MTOR: variants seen among roughly 807,000 people sequenced by gnomAD.
MTOR encodes serine/threonine-protein kinase mTOR.
MTOR carries 70 observed loss-of-function variants against 319.8 expected under a neutral mutation model. That is an observed-to-expected ratio of 0.22 (90% CI 0.18 to 0.27). The LOEUF (loss-of-function observed/expected upper bound fraction) is 0.27, where lower values mean the gene tolerates loss of function less well. Among genes scored for constraint, MTOR ranks in the 10% least tolerant of loss-of-function variants. The probability of loss-of-function intolerance (pLI) is 1.00; values close to 1 mark genes in which losing one functional copy is unlikely to be tolerated. For missense variants in MTOR, 1,890 were observed against 3,274.4 expected, an observed-to-expected ratio of 0.58 and a Z score of 10.32; for synonymous variants, 1,183 against 1,211.4, an observed-to-expected ratio of 0.98 and a Z score of 0.49.
rs150133866 is a variant in MTOR at position 11,189,376 on chromosome 1, G to A, written c.4253+9882C>T. 215 of 629,822 alleles carry A rather than the reference G, an allele frequency of 3.4e-4. 2 individuals carry two copies. The African/African-American group carries it at 3.6e-3, about 10-fold the overall frequency. The allele number at this position is 629,822 out of a possible 1,614,324, so 39.0% of individuals were successfully genotyped here. A position where few individuals can be genotyped will look rare whatever the true frequency, so the allele number is the denominator to read the frequency against. ...ATTCGGGCTTGGAAGGAAAGCTATA[G>A]GCTACCCATTCAGCTCCCCTGTCAG... On this transcript the variant is annotated intron_variant, in intron 28 of 57. Coordinates refer to ENST00000361445, the MANE Select transcript of MTOR (RefSeq NM_004958.4).
intron 19 of MTOR, among the ~76,000 whole-genome samples, chr1:11,220,345 G>A (rs1646623534): frequency 6.6e-6 from 1 of 152,112 alleles, no homozygotes; most frequent in Admixed American, 6.6e-5. Context: ...ACAGTTGTAG[G>A]AGAACCTAGA....
At chr1:11,260,739 C>CA (rs771551531) in intron 1 of MTOR, among the ~76,000 whole-genome samples, 1 of 149,492 alleles carries the variant, frequency 6.7e-6, no homozygotes, top group Non-Finnish European at 1.5e-5. Flanking sequence ...AGCGAGTCTT[C>CA]AAAATCTAAT....
At position 11,129,303 on chromosome 1, in the gene MTOR, C is replaced by T. The variant is rs928994407; in HGVS notation, c.5715-352G>A. Among the ~76,000 whole-genome samples, 9 of 152,240 alleles carry T rather than the reference C, an allele frequency of 5.9e-5. No homozygotes were observed. Among genetic ancestry groups the T allele is most frequent in the African/African-American group, 1.9e-4 (8 of 41,470 alleles). On this transcript the variant is annotated intron_variant, in intron 40 of 57. Transcript: ENST00000361445. The surrounding 1 kb of genome is among the most constrained non-coding windows in gnomAD (Gnocchi z 4.7). ...GGCAACAGGGACACCTGGCTCTTAG[C>T]TGGCTGGAGATCCTCAAATGAAGGA...
chr1:11,241,784 C>T, intron 9 of MTOR, 103 bp from the exon 10 acceptor site: 1 of 1,370,248 alleles, frequency 7.3e-7, no homozygotes, highest in Non-Finnish European at 1.0e-6. Flanking sequence ...TCAGGCAGGG[C>T]TACCACAGAT....
intron 19 of MTOR, among the ~76,000 whole-genome samples, chr1:11,222,570 C>T (rs2100830562): frequency 6.6e-6 from 1 of 152,012 alleles, no homozygotes; most frequent in South Asian, 2.1e-4. Flanking sequence ...TCCTCCTGGG[C>T]TCAAGCAATC....
At chr1:11,210,423 C>T (rs1646272499) in intron 24 of MTOR, among the ~76,000 whole-genome samples, 1 of 152,208 alleles carries the variant, frequency 6.6e-6, no homozygotes, top group African/African-American at 2.4e-5. Context: ...GCGGGAGCCA[C>T]CGCACCCAGC....
In MTOR at chr1:11,167,512, T is replaced by C; in HGVS notation, c.4259A>G (p.Asn1420Ser). 3 of 1,611,612 alleles carry C rather than the reference T, an allele frequency of 1.9e-6. No individual in the cohort carries two copies. Among genetic ancestry groups the C allele is most frequent in the Non-Finnish European group, 2.5e-6 (3 of 1,179,648 alleles). ...TGCCTCCGGCTGCTGTAGCTTATTA[T>C]TAATGCTGAGAAAACAAAGGGAAAA... ...PAILESLISINNKLQQPEAAA... is the reference protein window; with the variant it reads ...PAILESLISISNKLQQPEAAA... The change falls in exon 29 of 58, where the codon AAT (asparagine) becomes AGT (serine). Residue 1420 changes from asparagine (N) to serine (S), a missense_variant. Asn to Ser is a conservative substitution (Grantham distance 46). Around this residue, in one of 15 missense-constraint regions of MTOR, gnomAD observed 45 missense variants for 107.2 expected, o/e 0.42. Coordinates refer to ENST00000361445, the MANE Select transcript of MTOR (RefSeq NM_004958.4).
chr1:11,156,453 T>C (rs1170100281), intron 30 of MTOR, among the ~76,000 whole-genome samples: 1 of 152,184 alleles, frequency 6.6e-6, no homozygotes, highest in Non-Finnish European at 1.5e-5. Flanking sequence ...CCTAGCCAAA[T>C]GTTCTCAGTT....
intron 18 of MTOR, among the ~76,000 whole-genome samples, chr1:11,229,331 C>G (rs1198741399): frequency 6.6e-6 from 1 of 152,206 alleles, no homozygotes; most frequent in African/African-American, 2.4e-5. Flanking sequence ...GGAATTCAGA[C>G]AAGTTGGTAG....
At chr1:11,123,611 G>A (rs868757657) in intron 47 of MTOR, among the ~76,000 whole-genome samples, 1 of 152,042 alleles carries the variant, frequency 6.6e-6, no homozygotes, top group African/African-American at 2.4e-5. Flanking sequence ...TGGGACAACA[G>A]GCATGAGCCA....
chr1:11,197,171 G>A (rs1645815385), intron 28 of MTOR, among the ~76,000 whole-genome samples: 1 of 152,146 alleles, frequency 6.6e-6, no homozygotes, highest in African/African-American at 2.4e-5. Flanking sequence ...GCAAAGCGAT[G>A]TCTCCAAGGC....
At chr1:11,113,726 C>G (rs1341981714) in intron 53 of MTOR, among the ~76,000 whole-genome samples, 1 of 152,136 alleles carries the variant, frequency 6.6e-6, no homozygotes, top group African/African-American at 2.4e-5. Context: ...GATCCTCCTG[C>G]CTCTGCCTCC....
At chr1:11,122,900 A>C (rs1388873118) in intron 47 of MTOR, among the ~76,000 whole-genome samples, 1 of 152,218 alleles carries the variant, frequency 6.6e-6, no homozygotes, top group African/African-American at 2.4e-5. Context: ...TCACAGAAAG[A>C]CAGTGCACTG....
intron 19 of MTOR, among the ~76,000 whole-genome samples, chr1:11,220,719 T>G (rs889934660): frequency 5.9e-5 from 9 of 152,202 alleles, no homozygotes; most frequent in African/African-American, 2.2e-4. Flanking sequence ...AATTCTCCCC[T>G]AGAGCTTCCA....
intron 28 of MTOR, chr1:11,193,710 G>T: frequency 6.2e-7 from 1 of 1,614,136 alleles, no homozygotes; most frequent in Non-Finnish European, 8.5e-7. Flanking sequence ...GGGGACTTCT[G>T]GCTGGGGAAC....
chr1:11,210,918 G>A lies in MTOR; in HGVS notation c.3562-12C>T, dbSNP rs772827268. On this transcript the variant is annotated splice_polypyrimidine_tract_variant and intron_variant, in intron 23 of 57. Transcript: ENST00000361445. ...ATGAAAATTTGGTACTAAAACAGGA[G>A]GGGGAAGAGATGAGAAACTATCATT... is the stretch of plus-strand genomic sequence containing the variant. 11 of 1,556,268 alleles carry A rather than the reference G, an allele frequency of 7.1e-6. No individual in the cohort carries two copies. Among genetic ancestry groups the A allele is most frequent in the South Asian group, 1.1e-5 (1 of 88,626 alleles).
intron 6 of MTOR, among the ~76,000 whole-genome samples, chr1:11,253,616 G>T (rs553657555): frequency 6.6e-6 from 1 of 152,204 alleles, no homozygotes; most frequent in East Asian, 1.9e-4. Flanking sequence ...ACCTCAGGGA[G>T]GGCCTTCCTT....
At chr1:11,157,610 A>C (rs961431690) in intron 29 of MTOR, among the ~76,000 whole-genome samples, 1 of 152,136 alleles carries the variant, frequency 6.6e-6, no homozygotes, top group Non-Finnish European at 1.5e-5. Context: ...TGCGGACACG[A>C]GGACAGGGGA....
In MTOR at chr1:11,133,008, T is replaced by G. The variant is rs1171280723; in HGVS notation, c.5364+72A>C. The G allele has an allele frequency of 1.1e-5, 15 of 1,317,934 alleles. No individual in the cohort carries two copies. The Admixed American group carries it at 1.5e-4, about 13-fold the overall frequency. The allele number at this position is 1,317,934 out of a possible 1,614,324, so 81.6% of individuals were successfully genotyped here. Reference sequence around the variant, plus strand: ...GCCTAGCTCCGCAGAAGCTCAGCTGTAACCACGAGCACACAGGAGGACACG... The same window carrying G: ...GCCTAGCTCCGCAGAAGCTCAGCTGGAACCACGAGCACACAGGAGGACACG... On this transcript the variant is annotated intron_variant, in intron 38 of 57. Transcript: ENST00000361445. The surrounding 1 kb of genome is among the most constrained non-coding windows in gnomAD (Gnocchi z 4.0).
Sources: allele counts gnomAD v4.1 joint callset (sites outside exome capture counted in the v4.1 genomes callset), GRCh38; gene constraint gnomAD v4.1.1; regional missense constraint gnomAD v4.1.1; non-coding constraint Gnocchi (gnomAD v3.1); transcripts MANE v1.5; gene names NCBI Gene and HGNC (gene_info 2026-07-23, HGNC 2026-07-21).